The following ELOVL7 variants were observed in gnomAD, a reference collection of about 807,000 sequenced individuals.
The protein encoded by ELOVL7 is very long chain fatty acid elongase 7.
In ELOVL7, 27 loss-of-function variants were observed where a neutral mutation model predicts 35.7. That is an observed-to-expected ratio of 0.76 (90% CI 0.56 to 1.04). The LOEUF (loss-of-function observed/expected upper bound fraction) is 1.04, where lower values mean the gene tolerates loss of function less well. Among genes scored for constraint, ELOVL7 ranks in the 50% least tolerant of loss-of-function variants. The pLI, the probability that ELOVL7 is intolerant of heterozygous loss-of-function variation, is 0.00. For synonymous variants in ELOVL7, 113 were observed against 114.6 expected, an observed-to-expected ratio of 0.99 and a Z score of 0.09; for missense variants, 327 against 340.8, an observed-to-expected ratio of 0.96 and a Z score of 0.32.
At chr5:60,762,557 A>G (rs893785103) in intron 7 of ELOVL7, among the ~76,000 whole-genome samples, 3 of 152,126 alleles carry the variant, frequency 2.0e-5, no homozygotes, top group Admixed American at 6.5e-5. Context: ...TTTTGTTTCA[A>G]TATCTCCAAA....
intron 3 of ELOVL7, among the ~76,000 whole-genome samples, chr5:60,775,388 A>T (rs1742842345): frequency 6.6e-6 from 1 of 152,226 alleles, no homozygotes; most frequent in Non-Finnish European, 1.5e-5. Flanking sequence ...CAACATTGTT[A>T]GATGTCCATA....
At chr5:60,811,122 G>A (rs1458938990) in intron 1 of ELOVL7, among the ~76,000 whole-genome samples, 1 of 151,976 alleles carries the variant, frequency 6.6e-6, no homozygotes, top group Non-Finnish European at 1.5e-5. Context: ...ACTGAGATTT[G>A]ATTCTCAAAA....
intron 1 of ELOVL7, among the ~76,000 whole-genome samples, chr5:60,822,683 T>C (rs983387675): frequency 3.9e-5 from 6 of 151,964 alleles, no homozygotes; most frequent in African/African-American, 1.5e-4. Context: ...ATGAGAACAA[T>C]AGTGGTCTAA....
At chr5:60,777,191 T>A (rs1216743047) in intron 3 of ELOVL7, among the ~76,000 whole-genome samples, 1 of 152,120 alleles carries the variant, frequency 6.6e-6, no homozygotes, top group Non-Finnish European at 1.5e-5. Flanking sequence ...CACGACAGGC[T>A]GACTTATAGT....
chr5:60,754,815 C>G lies in ELOVL7; in HGVS notation c.655G>C (p.Ala219Pro). ...SLQLVQFVIV[A>P]IHISQFFFME... is the part of the protein sequence containing the mutation. ...AAAAAGAACTGGCTTATGTGGATGG[C>G]GACAATAACAAACTGGACCTAAGAA... Residue 219 changes from alanine to proline, a missense_variant, in exon 9 of 9, where the codon GCC becomes CCC. By Grantham distance (27) the Ala-to-Pro change is conservative. Transcript: ENST00000508821. 1 of 1,613,670 alleles carries G rather than the reference C, an allele frequency of 6.2e-7. No homozygotes were observed. Among genetic ancestry groups the G allele is most frequent in the Non-Finnish European group, 8.5e-7 (1 of 1,179,868 alleles).
At chr5:60,818,065 C>G (rs902138223) in intron 1 of ELOVL7, among the ~76,000 whole-genome samples, 3 of 151,684 alleles carry the variant, frequency 2.0e-5, no homozygotes, top group African/African-American at 7.3e-5. Context: ...CATCTGGAAT[C>G]CTGGCACTTT....
intron 1 of ELOVL7, among the ~76,000 whole-genome samples, chr5:60,832,558 G>A (rs1008516201): frequency 6.6e-6 from 1 of 152,182 alleles, no homozygotes; most frequent in Non-Finnish European, 1.5e-5. Flanking sequence ...TAGAGATGGA[G>A]TTTCACCATG....
At chr5:60,787,293 AAAGG>A (rs1004853555) in intron 3 of ELOVL7, 37 bp downstream of exon 3, 16 of 1,508,016 alleles carry the variant, frequency 1.1e-5, no homozygotes, top group Admixed American at 5.8e-5. Context: ...TCTGACATAA[AAAGG>A]AAGGATGAAC....
intron 2 of ELOVL7, among the ~76,000 whole-genome samples, chr5:60,789,138 T>C (rs1743774840): frequency 6.6e-6 from 1 of 152,182 alleles, no homozygotes; most frequent in South Asian, 2.1e-4. Flanking sequence ...GGGAAAGGCC[T>C]TACTAACTAA....
At chr5:60,801,941 A>G (rs1292358173) in intron 1 of ELOVL7, among the ~76,000 whole-genome samples, 1 of 151,254 alleles carries the variant, frequency 6.6e-6, no homozygotes, top group East Asian at 1.9e-4. Context: ...TGGCTTCCCT[A>G]GTTTTGAGGC....
At chr5:60,797,449 T>G (rs1003217530) in intron 2 of ELOVL7, among the ~76,000 whole-genome samples, 1 of 152,190 alleles carries the variant, frequency 6.6e-6, no homozygotes, top group African/African-American at 2.4e-5. Flanking sequence ...TCTTAGCTTT[T>G]GGGTTACAAA....
intron 3 of ELOVL7, among the ~76,000 whole-genome samples, chr5:60,777,581 G>A (rs1742983559): frequency 6.6e-6 from 1 of 152,090 alleles, no homozygotes; most frequent in Non-Finnish European, 1.5e-5. Flanking sequence ...AGAGAGATCT[G>A]TGCCAGAGAT....
intron 1 of ELOVL7, among the ~76,000 whole-genome samples, chr5:60,801,467 C>T (rs553818965): frequency 6.6e-6 from 1 of 152,130 alleles, no homozygotes; most frequent in Admixed American, 6.5e-5. Flanking sequence ...TTTGGGAGGC[C>T]AAGGCAAGGG....
chr5:60,811,392 A>G lies in ELOVL7; in HGVS notation c.-85-12162T>C, dbSNP rs140424115. Among the ~76,000 whole-genome samples, 6 of 152,200 alleles carry G rather than the reference A, an allele frequency of 3.9e-5. No homozygotes were observed. The East Asian group carries it at 1.2e-3, about 29-fold the overall frequency. ...GTGTCTTTTGCAAGTAGTCCATCTG[A>G]CTTATTTTCTGATAAGTAGAAGGTG... On this transcript the variant is annotated intron_variant, in intron 1 of 8. Coordinates refer to ENST00000508821, the MANE Select transcript of ELOVL7 (RefSeq NM_024930.3).
At chr5:60,799,715 T>C (rs1394716157) in intron 1 of ELOVL7, among the ~76,000 whole-genome samples, 1 of 152,132 alleles carries the variant, frequency 6.6e-6, no homozygotes, top group Non-Finnish European at 1.5e-5. Context: ...CCTGATAACT[T>C]CACTGTTAAA....
Position 60,767,894 on chromosome 5 carries a change from A to C in ELOVL7, c.265T>G (p.Ser89Ala). Residue 89 changes from serine (S) to alanine (A), a missense_variant, in exon 5 of 9, where the codon TCT becomes GCT. By Grantham distance (99) the Ser-to-Ala change is moderately conservative (BLOSUM62 1). Coordinates refer to ENST00000508821, the MANE Select transcript of ELOVL7 (RefSeq NM_024930.3). ...AATGAATAACCTATACCCCAGCCAG[A>C]CATCACAAACTGCAAGAGAGCACAT... ...SVYMCYEFVM[S>A]GWGIGYSFRC... 1 of 1,613,678 alleles carries C rather than the reference A, an allele frequency of 6.2e-7. No individual in the cohort carries two copies. The highest frequency in any genetic ancestry group is 8.5e-7 in the Non-Finnish European group (1 of 1,179,602).
chr5:60,756,741 C>A (rs1741560867), intron 8 of ELOVL7, among the ~76,000 whole-genome samples: 1 of 152,036 alleles, frequency 6.6e-6, no homozygotes, highest in Admixed American at 6.6e-5. Flanking sequence ...GCCATCTAAA[C>A]CAAATTCATA....
chr5:60,820,170 G>A (rs146141082), intron 1 of ELOVL7, among the ~76,000 whole-genome samples: 1 of 152,136 alleles, frequency 6.6e-6, no homozygotes, highest in Non-Finnish European at 1.5e-5. Flanking sequence ...CTGTCCTACA[G>A]CCACAAAAAA....
intron 4 of ELOVL7, among the ~76,000 whole-genome samples, chr5:60,771,334 A>G (rs1053316370): frequency 9.9e-5 from 15 of 152,140 alleles, no homozygotes; most frequent in African/African-American, 3.1e-4. Flanking sequence ...CAATTAAGGG[A>G]CAGTAATGAA....
Sources: allele counts gnomAD v4.1 joint callset (sites outside exome capture counted in the v4.1 genomes callset), GRCh38; gene constraint gnomAD v4.1.1; transcripts MANE v1.5; gene names NCBI Gene and HGNC (gene_info 2026-07-23, HGNC 2026-07-21).